ANO3: variants seen among roughly 807,000 people sequenced by gnomAD.
ANO3 encodes the protein anoctamin 3, also known as anoctamin-3.
A neutral mutation model predicts 144.8 loss-of-function variants in ANO3; 99 were observed. The ratio of observed to expected loss-of-function variants is 0.68; its 90% CI spans 0.58 to 0.81. ANO3 has a LOEUF of 0.81. Ranked by LOEUF, ANO3 falls within the 30% of genes least tolerant of loss-of-function variation. ANO3 has a pLI of 0.00. For missense variants in ANO3, 905 were observed against 1,202.2 expected (o/e 0.75, Z 3.66); for synonymous variants, 414 against 392.6 (o/e 1.05, Z -0.64).
At chr11:26,598,756 A>G in intron 15 of ANO3, 102 bp from the exon 16 acceptor site, 1 of 1,184,918 alleles carries the variant, frequency 8.4e-7, no homozygotes, top group South Asian at 1.6e-5. Flanking sequence ...TGAAGACTTA[A>G]TACAAAAGTA....
chr11:26,207,750 T>A (rs990964258), intron 1 of ANO3, among the ~76,000 whole-genome samples: 16 of 95,164 alleles, frequency 1.7e-4, no homozygotes, highest in African/African-American at 4.6e-4. Flanking sequence ...CCGTAGTACA[T>A]TTTCTTTTTA....
chr11:26,360,792 A>G (rs1440260281), intron 1 of ANO3, among the ~76,000 whole-genome samples: 1 of 152,212 alleles, frequency 6.6e-6, no homozygotes, highest in African/African-American at 2.4e-5. Flanking sequence ...TCTCAACATT[A>G]TCAAATCATG....
At chr11:26,553,724 C>CA (rs1255808855) in intron 13 of ANO3, among the ~76,000 whole-genome samples, 13 of 152,026 alleles carry the variant, frequency 8.6e-5, no homozygotes, top group Admixed American at 1.3e-4. Flanking sequence ...AAATAACATT[C>CA]AAAAAATCCC....
intron 1 of ANO3, among the ~76,000 whole-genome samples, chr11:26,314,353 G>C (rs1026465097): frequency 1.3e-5 from 2 of 152,030 alleles, no homozygotes; most frequent in Non-Finnish European, 2.9e-5. Flanking sequence ...ATAAATTTGT[G>C]AAAACATTAC....
At chr11:26,290,051 T>TA (rs1273922834) in intron 1 of ANO3, among the ~76,000 whole-genome samples, 1 of 152,076 alleles carries the variant, frequency 6.6e-6, no homozygotes, top group African/African-American at 2.4e-5. Context: ...GGACTTTTTT[T>TA]AGTTGGTAGG....
At chr11:26,401,431 G>T (rs1857144587) in intron 1 of ANO3, among the ~76,000 whole-genome samples, 1 of 152,000 alleles carries the variant, frequency 6.6e-6, no homozygotes, top group Non-Finnish European at 1.5e-5. Context: ...TTTAAAATCG[G>T]GGATCTAAAG....
rs117237158 is a variant in ANO3 at position 26,473,279 on chromosome 11, A to C, written c.432+10131A>C. Among the ~76,000 whole-genome samples the C allele has an allele frequency of 9.7e-3, 1,468 of 152,098 alleles. 11 individuals carry two copies. The highest frequency in any genetic ancestry group is 0.016 in the Non-Finnish European group (1,113 of 67,948). On this transcript the variant is annotated intron_variant, in intron 4 of 26. Transcript: ENST00000256737. ...ACAGAGGCATTTTTAAAACAGAAAT[A>C]AATGTAATCCTCTGTTGCATCTCTT...
intron 1 of ANO3, among the ~76,000 whole-genome samples, chr11:26,191,317 C>CAT (rs1177313402): frequency 1.6e-4 from 24 of 150,276 alleles, no homozygotes; most frequent in South Asian, 4.2e-4. Context: ...CACACACACA[C>CAT]ATATATATAT....
At chr11:26,606,067 G>C (rs567738722) in intron 17 of ANO3, among the ~76,000 whole-genome samples, 11 of 152,210 alleles carry the variant, frequency 7.2e-5, no homozygotes, top group African/African-American at 2.4e-4. Context: ...TTCTCTTGTG[G>C]GCATTCAGTG....
intron 17 of ANO3, among the ~76,000 whole-genome samples, chr11:26,607,419 C>T (rs1299421283): frequency 1.3e-5 from 2 of 152,128 alleles, no homozygotes; most frequent in Non-Finnish European, 2.9e-5. Flanking sequence ...TGTTTTCCAG[C>T]TTGTTCCATT....
At chr11:26,320,855 A>C (rs1188316227) in intron 1 of ANO3, among the ~76,000 whole-genome samples, 1 of 152,078 alleles carries the variant, frequency 6.6e-6, no homozygotes, top group Non-Finnish European at 1.5e-5. Flanking sequence ...TATTTCTACC[A>C]ATGTACATAT....
At chr11:26,204,328 C>A (rs932537514) in intron 1 of ANO3, among the ~76,000 whole-genome samples, 23 of 149,114 alleles carry the variant, frequency 1.5e-4, no homozygotes, top group African/African-American at 4.4e-4. Flanking sequence ...TCCCCCAGGA[C>A]AACACAGTAG....
intron 20 of ANO3, among the ~76,000 whole-genome samples, chr11:26,637,922 A>G (rs1441993399): frequency 6.6e-6 from 1 of 152,162 alleles, no homozygotes; most frequent in Non-Finnish European, 1.5e-5. Flanking sequence ...TCCCACCCAA[A>G]TATCTTGAAT....
chr11:26,291,993 C>T (rs1853969778), intron 1 of ANO3, among the ~76,000 whole-genome samples: 1 of 152,152 alleles, frequency 6.6e-6, no homozygotes, highest in African/African-American at 2.4e-5. Flanking sequence ...GGGTAATATC[C>T]TGCAGAGTGT....
chr11:26,366,178 T>C (rs541124590), intron 1 of ANO3, among the ~76,000 whole-genome samples: 3 of 151,918 alleles, frequency 2.0e-5, no homozygotes, highest in African/African-American at 7.3e-5. Flanking sequence ...CGGTGTGTGA[T>C]GTTCCCCCTC....
chr11:26,396,777 C>T (rs555187710), intron 1 of ANO3, among the ~76,000 whole-genome samples: 20 of 151,626 alleles, frequency 1.3e-4, no homozygotes, highest in African/African-American at 4.1e-4. Context: ...GAACATCACA[C>T]GTCGGGGGCC....
intron 13 of ANO3, among the ~76,000 whole-genome samples, chr11:26,553,778 C>T (rs1003800709): frequency 6.6e-6 from 1 of 152,080 alleles, no homozygotes; most frequent in African/African-American, 2.4e-5. Flanking sequence ...TTTTAAAACT[C>T]CTGAAGCTCA....
chr11:26,656,320 T>C lies in ANO3; in HGVS notation c.2658-56T>C, dbSNP rs10835050. On this transcript the variant is annotated intron_variant, in intron 25 of 26. Transcript: ENST00000256737. ...GGCATTTTGGCAAATCAAGAAAATT[T>C]GGGCCTCCACTCTTTGATCTCTATT... 938,481 of 1,479,958 alleles carry C rather than the reference T, an allele frequency of 0.63. 302,882 individuals are homozygous for C. Among genetic ancestry groups the C allele is most frequent in the South Asian group, 0.75 (64,885 of 86,704 alleles). 91.7% of individuals were successfully genotyped at this position (1,479,958 alleles called of 1,614,324 possible).
chr11:26,276,728 A>T (rs558464170), intron 1 of ANO3, among the ~76,000 whole-genome samples: 3 of 152,106 alleles, frequency 2.0e-5, no homozygotes, highest in African/African-American at 4.8e-5. Flanking sequence ...TTCACATAAA[A>T]ATAAAATTGG....
Sources: allele counts gnomAD v4.1 joint callset (sites outside exome capture counted in the v4.1 genomes callset), GRCh38; gene constraint gnomAD v4.1.1; transcripts MANE v1.5; gene names NCBI Gene and HGNC (gene_info 2026-07-23, HGNC 2026-07-21).